The following CRADD variants were observed in gnomAD, a reference collection of about 807,000 sequenced individuals.
CRADD encodes CARD and death domain containing adaptor protein.
A neutral mutation model predicts 15.5 loss-of-function variants in CRADD; 9 were observed. That is an observed-to-expected ratio of 0.58 (90% CI 0.35 to 1.01). The LOEUF (loss-of-function observed/expected upper bound fraction) is 1.01, where lower values mean the gene tolerates loss of function less well. Ranked by LOEUF, CRADD falls within the 50% of genes least tolerant of loss-of-function variation. The pLI, the probability that CRADD is intolerant of heterozygous loss-of-function variation, is 0.02. For synonymous variants in CRADD, 118 were observed against 107.6 expected (o/e 1.10, Z -0.60); for missense variants, 227 against 250.3 (o/e 0.91, Z 0.63).
chr12:93,760,293 G>C (rs1320696418), intron 2 of CRADD, among the ~76,000 whole-genome samples: 1 of 152,148 alleles, frequency 6.6e-6, no homozygotes, highest in Non-Finnish European at 1.5e-5. Context: ...TGGGGAGAGT[G>C]TGTGTGAGGA....
chr12:93,680,109 T>C (rs1282615394), intron 2 of CRADD, among the ~76,000 whole-genome samples: 1 of 152,106 alleles, frequency 6.6e-6, no homozygotes, highest in Non-Finnish European at 1.5e-5. Flanking sequence ...GAAGATGTGA[T>C]ATGGAAACAC....
Position 93,679,002 on chromosome 12 carries a change from A to G in CRADD, c.228A>G (p.Leu76=), listed in dbSNP as rs1229748357. The change falls in exon 2 of 3, where the codon CTA becomes CTG. Residue 76 remains leucine (L), a synonymous_variant. Transcript: ENST00000332896. ...PKAFDTFLDS[L]QEFPWVREKL... is the part of the protein sequence containing the mutation. ...CATTTGATACATTCCTAGATTCCCT[A>G]CAGGAGTTTCCCTGGGTCAGGGAGA... 10 of 1,614,104 alleles carry G rather than the reference A, an allele frequency of 6.2e-6. No individual in the cohort carries two copies. Among genetic ancestry groups the G allele is most frequent in the African/African-American group, 1.3e-5 (1 of 75,036 alleles).
At chr12:93,883,060 T>C (rs1199166838) in intron 2 of CRADD, among the ~76,000 whole-genome samples, 1 of 152,212 alleles carries the variant, frequency 6.6e-6, no homozygotes, top group Non-Finnish European at 1.5e-5. Context: ...ATATTCAGCA[T>C]AATTAAGCAT....
chr12:93,758,568 T>C (rs1476250945), intron 2 of CRADD, among the ~76,000 whole-genome samples: 5 of 152,050 alleles, frequency 3.3e-5, no homozygotes, highest in Non-Finnish European at 7.4e-5. Flanking sequence ...TTTAATTCTT[T>C]TAATTAAAAT....
At chr12:93,691,449 T>A (rs7974861) in intron 2 of CRADD, among the ~76,000 whole-genome samples, 6,113 of 152,098 alleles carry the variant, frequency 0.04, 376 homozygotes, top group African/African-American at 0.14. Context: ...AGACAGGGTT[T>A]CACCATGTTG....
chr12:93,882,081 G>A (rs967704158), intron 2 of CRADD, among the ~76,000 whole-genome samples: 8 of 151,588 alleles, frequency 5.3e-5, no homozygotes, highest in South Asian at 2.1e-4. Flanking sequence ...CTGAAATCTC[G>A]CCACTGCACT....
chr12:93,872,092 A>G (rs1442492446), intron 2 of CRADD, among the ~76,000 whole-genome samples: 1 of 152,018 alleles, frequency 6.6e-6, no homozygotes, highest in Non-Finnish European at 1.5e-5. Context: ...TGTCTTTTGG[A>G]TATAAGCCAT....
chr12:93,876,006 C>T (rs1433064418), intron 2 of CRADD, among the ~76,000 whole-genome samples: 3 of 152,052 alleles, frequency 2.0e-5, no homozygotes, highest in African/African-American at 7.2e-5. Flanking sequence ...GTTGATGAAA[C>T]CCCTCAGCTT....
At chr12:93,812,248 A>T (rs1193515374) in intron 2 of CRADD, among the ~76,000 whole-genome samples, 1 of 152,224 alleles carries the variant, frequency 6.6e-6, no homozygotes, top group African/African-American at 2.4e-5. Flanking sequence ...TGATGGACAC[A>T]TGTCGTTGTG....
intron 2 of CRADD, among the ~76,000 whole-genome samples, chr12:93,789,325 C>T (rs1281985011): frequency 6.6e-6 from 1 of 152,104 alleles, no homozygotes; most frequent in Non-Finnish European, 1.5e-5. Context: ...ATCCACTTTT[C>T]CTGAACAGGC....
At chr12:93,792,520 G>A (rs1336296829) in intron 2 of CRADD, among the ~76,000 whole-genome samples, 6 of 152,100 alleles carry the variant, frequency 3.9e-5, no homozygotes, top group Admixed American at 3.9e-4. Flanking sequence ...CTACCACTTA[G>A]GAAGATTTCA....
At chr12:93,821,849 G>A (rs1179218497) in intron 2 of CRADD, among the ~76,000 whole-genome samples, 1 of 152,168 alleles carries the variant, frequency 6.6e-6, no homozygotes, top group Non-Finnish European at 1.5e-5. Context: ...CAGGTGTGGT[G>A]GCTCATGCCT....
At chr12:93,883,423 A>G (rs1409836918) in intron 2 of CRADD, among the ~76,000 whole-genome samples, 1 of 152,236 alleles carries the variant, frequency 6.6e-6, no homozygotes, top group Non-Finnish European at 1.5e-5. Flanking sequence ...CTTTTACTGA[A>G]TAATTATTTA....
chr12:93,773,813 G>GGTTTTT (rs763799974), intron 2 of CRADD, among the ~76,000 whole-genome samples: 1 of 87,550 alleles, frequency 1.1e-5, no homozygotes, highest in Non-Finnish European at 2.0e-5. Context: ...TACTTTGTGA[G>GGTTTTT]TTTTTTTTTT....
chr12:93,785,936 T>G (rs1957273744), intron 2 of CRADD, among the ~76,000 whole-genome samples: 1 of 152,222 alleles, frequency 6.6e-6, no homozygotes, highest in Non-Finnish European at 1.5e-5. Flanking sequence ...TGATTCTAAA[T>G]TCCTGTGGGA....
chr12:93,680,889 T>A (rs937184511), intron 2 of CRADD, among the ~76,000 whole-genome samples: 1 of 145,934 alleles, frequency 6.9e-6, no homozygotes, highest in Non-Finnish European at 1.5e-5. Context: ...TATAATACCA[T>A]TTTTTTTTTT....
chr12:93,772,509 G>A (rs1957095113), intron 2 of CRADD, among the ~76,000 whole-genome samples: 1 of 152,172 alleles, frequency 6.6e-6, no homozygotes, highest in African/African-American at 2.4e-5. Context: ...CATATTGGAA[G>A]CCGGTCTTCT....
At chr12:93,735,091 CT>C (rs1319885776) in intron 2 of CRADD, among the ~76,000 whole-genome samples, 1 of 152,188 alleles carries the variant, frequency 6.6e-6, no homozygotes, top group East Asian at 1.9e-4. Flanking sequence ...ATTTTCACCG[CT>C]GTTTCCCTGG....
chr12:93,798,917 C>T (rs532374396), intron 2 of CRADD, among the ~76,000 whole-genome samples: 10 of 152,278 alleles, frequency 6.6e-5, no homozygotes, highest in African/African-American at 2.4e-4. Flanking sequence ...TGCCAGTCCA[C>T]GCCCTGTAGC....
Sources: gnomAD v4.1 joint callset for allele counts (sites outside exome capture counted in the v4.1 genomes callset) on GRCh38, gnomAD v4.1.1 for gene constraint, MANE v1.5 for transcripts, NCBI Gene and HGNC (gene_info 2026-07-23, HGNC 2026-07-21) for gene names.